Variants in FMN2 observed in about 807,000 individuals in gnomAD.
FMN2 encodes the protein formin-2.
Under a neutral mutation model 142.3 loss-of-function variants are expected in FMN2, and 51 were observed. The observed-to-expected ratio is 0.36, with a 90% CI of 0.29 to 0.45. The LOEUF (loss-of-function observed/expected upper bound fraction) is 0.45, where lower values mean the gene tolerates loss of function less well. Among genes scored for constraint, FMN2 ranks in the 20% least tolerant of loss-of-function variants. The probability of loss-of-function intolerance (pLI) is 1.00; values close to 1 mark genes in which losing one functional copy is unlikely to be tolerated. For missense variants in FMN2, 1,936 were observed against 2,122.8 expected (o/e 0.91, Z 1.73); for synonymous variants, 882 against 869.8 (o/e 1.01, Z -0.25).
chr1:240,186,106 T>G (rs922718250), intron 3 of FMN2, among the ~76,000 whole-genome samples: 5 of 152,200 alleles, frequency 3.3e-5, no homozygotes, highest in Non-Finnish European at 7.3e-5. Context: ...GGTAAGTGAC[T>G]GCATCATGCT....
intron 15 of FMN2, among the ~76,000 whole-genome samples, chr1:240,409,892 G>A (rs1310046298): frequency 1.3e-5 from 2 of 152,124 alleles, no homozygotes; most frequent in Non-Finnish European, 2.9e-5. Flanking sequence ...AAATGTACTA[G>A]CAGTGTGAGG....
In FMN2 at chr1:240,091,926, A is replaced by G; in HGVS notation, c.-184A>G. 5 of 1,035,618 alleles carry G rather than the reference A, an allele frequency of 4.8e-6. No homozygotes were observed. Among genetic ancestry groups the G allele is most frequent in the East Asian group, 3.3e-5 (1 of 30,528 alleles). The allele number at this position is 1,035,618 out of a possible 1,614,324, so 64.2% of individuals were successfully genotyped here. A position where few individuals can be genotyped will look rare whatever the true frequency, so the allele number is the denominator to read the frequency against. ...ACGGCAGCCACGGGAGCCGCCGCGC[A>G]TTATGCAAAGCGGCGGCAGATGCGA... On this transcript the variant is annotated 5_prime_UTR_variant, in exon 1 of 18. Coordinates refer to ENST00000319653, the MANE Select transcript of FMN2 (RefSeq NM_020066.5).
At chr1:240,236,377 A>G (rs1667710709) in intron 6 of FMN2, among the ~76,000 whole-genome samples, 2 of 152,164 alleles carry the variant, frequency 1.3e-5, no homozygotes, top group South Asian at 4.1e-4. Context: ...ACCCCATGGT[A>G]TTTCCTCGTC....
At chr1:240,206,216 T>C (rs1282437988) in intron 4 of FMN2, among the ~76,000 whole-genome samples, 1 of 152,162 alleles carries the variant, frequency 6.6e-6, no homozygotes, top group Non-Finnish European at 1.5e-5. Context: ...CAGCCGTCTT[T>C]ATAAATTGTG....
intron 15 of FMN2, among the ~76,000 whole-genome samples, chr1:240,404,777 T>C (rs1175021134): frequency 6.6e-6 from 1 of 152,242 alleles, no homozygotes; most frequent in African/African-American, 2.4e-5. Context: ...TGACACCCTT[T>C]GCAGATTTTC....
chr1:240,274,769 C>T (rs927347192), intron 7 of FMN2, among the ~76,000 whole-genome samples: 10 of 151,662 alleles, frequency 6.6e-5, no homozygotes, highest in South Asian at 4.2e-4. Flanking sequence ...TAATATGTTT[C>T]GAGGGAGGAG....
chr1:240,159,540 T>TGA (rs1664173114), intron 2 of FMN2, among the ~76,000 whole-genome samples: 1 of 152,062 alleles, frequency 6.6e-6, no homozygotes, highest in Admixed American at 6.6e-5. Flanking sequence ...TCTTGCTGTG[T>TGA]GAGAAGTGGA....
At chr1:240,279,416 A>C (rs1351771681) in intron 7 of FMN2, among the ~76,000 whole-genome samples, 1 of 152,142 alleles carries the variant, frequency 6.6e-6, no homozygotes, top group East Asian at 1.9e-4. Context: ...GGTTGGGAAA[A>C]GCAAAACTGA....
intron 7 of FMN2, among the ~76,000 whole-genome samples, chr1:240,281,718 C>T (rs913384124): frequency 6.7e-5 from 10 of 149,830 alleles, no homozygotes; most frequent in Non-Finnish European, 1.0e-4. Flanking sequence ...ATTTAAAATA[C>T]GCAATAAAGG....
At chr1:240,437,656 C>A (rs541919341) in intron 15 of FMN2, among the ~76,000 whole-genome samples, 4 of 152,112 alleles carry the variant, frequency 2.6e-5, no homozygotes, top group African/African-American at 9.6e-5. Context: ...AGTGTATAAG[C>A]AATATAATAT....
At chr1:240,281,361 A>G (rs751456347) in intron 7 of FMN2, among the ~76,000 whole-genome samples, 2 of 152,146 alleles carry the variant, frequency 1.3e-5, no homozygotes, top group Admixed American at 6.6e-5. Flanking sequence ...AAATTATAGG[A>G]TATTATAAAA....
chr1:240,244,941 T>C (rs1668029119), intron 6 of FMN2, among the ~76,000 whole-genome samples: 1 of 152,240 alleles, frequency 6.6e-6, no homozygotes, highest in African/African-American at 2.4e-5. Flanking sequence ...GCTTACAATA[T>C]ATCAATCATT....
intron 15 of FMN2, among the ~76,000 whole-genome samples, chr1:240,412,649 A>G (rs1674436972): frequency 6.6e-6 from 1 of 152,194 alleles, no homozygotes; most frequent in Non-Finnish European, 1.5e-5. Context: ...ACTTTAAAAA[A>G]AAAAGTGTGA....
intron 13 of FMN2, among the ~76,000 whole-genome samples, chr1:240,337,211 T>C (rs1056531459): frequency 2.8e-5 from 4 of 142,168 alleles, no homozygotes; most frequent in Non-Finnish European, 4.5e-5. Context: ...TTCTTTTTTT[T>C]TTTTTTTTTT....
At chr1:240,441,203 C>T (rs1256600219) in intron 16 of FMN2, among the ~76,000 whole-genome samples, 1 of 152,056 alleles carries the variant, frequency 6.6e-6, no homozygotes, top group African/African-American at 2.4e-5. Context: ...CCATGTTGGC[C>T]AGGATGGTCT....
At chr1:240,137,344 G>A (rs979819175) in intron 2 of FMN2, among the ~76,000 whole-genome samples, 3 of 152,216 alleles carry the variant, frequency 2.0e-5, no homozygotes, top group Middle Eastern at 6.8e-3. Flanking sequence ...ATTTTACAGT[G>A]CCTGTCACAA....
chr1:240,369,351 TC>T, intron 14 of FMN2, among the ~76,000 whole-genome samples: 1 of 152,362 alleles, frequency 6.6e-6, no homozygotes, highest in Admixed American at 6.5e-5. Flanking sequence ...TGAATGCCAT[TC>T]CTTTCCAGTG....
At chr1:240,227,470 G>A (rs564453777) in intron 6 of FMN2, among the ~76,000 whole-genome samples, 31 of 152,104 alleles carry the variant, frequency 2.0e-4, no homozygotes, top group African/African-American at 5.1e-4. Flanking sequence ...AAAAATTCAC[G>A]TGAAAAATGA....
intron 1 of FMN2, among the ~76,000 whole-genome samples, chr1:240,098,420 G>A (rs920783651): frequency 3.9e-5 from 6 of 152,108 alleles, no homozygotes; most frequent in South Asian, 2.1e-4. Flanking sequence ...CCCACTCTAG[G>A]AGTACACATT....
Sources: gnomAD v4.1 joint callset for allele counts (sites outside exome capture counted in the v4.1 genomes callset) on GRCh38, gnomAD v4.1.1 for gene constraint, MANE v1.5 for transcripts, NCBI Gene and HGNC (gene_info 2026-07-23, HGNC 2026-07-21) for gene names.